Variants in PIEZO2 observed in about 807,000 individuals in gnomAD.
PIEZO2 encodes piezo type mechanosensitive ion channel component 2.
Under a neutral mutation model 337.3 loss-of-function variants are expected in PIEZO2, and 172 were observed. The ratio of observed to expected loss-of-function variants is 0.51; its 90% confidence interval spans 0.45 to 0.58. The LOEUF (loss-of-function observed/expected upper bound fraction) is 0.58. Among genes scored for constraint, PIEZO2 ranks in the 20% least tolerant of loss-of-function variants. The pLI is 0.00. For synonymous variants in PIEZO2, 1,251 were observed against 1,228.5 expected (o/e 1.02, Z -0.38); for missense variants, 3,028 against 3,391.3 (o/e 0.89, Z 2.66).
chr18:10,680,072 T>C, intron 52 of PIEZO2, 127 bp downstream of exon 52: 1 of 762,252 alleles, frequency 1.3e-6, no homozygotes, highest in Non-Finnish European at 2.0e-6. Flanking sequence ...CCCAAGGCTA[T>C]AATGATAAAG....
intron 3 of PIEZO2, among the ~76,000 whole-genome samples, chr18:10,971,420 C>T (rs922694453): frequency 6.6e-6 from 1 of 151,954 alleles, no homozygotes; most frequent in African/African-American, 2.4e-5. Flanking sequence ...AGATAAAAAC[C>T]ATCTTAGACA....
intron 3 of PIEZO2, among the ~76,000 whole-genome samples, chr18:10,927,269 G>T (rs1258784657): frequency 6.6e-6 from 1 of 152,096 alleles, no homozygotes; most frequent in Non-Finnish European, 1.5e-5. Flanking sequence ...GACCCCTTTG[G>T]AAGCTCAAGT....
At chr18:11,064,020 T>C (rs540826520) in intron 2 of PIEZO2, among the ~76,000 whole-genome samples, 1 of 151,168 alleles carries the variant, frequency 6.6e-6, no homozygotes, top group Non-Finnish European at 1.5e-5. Context: ...ACTAATGATA[T>C]CTGATGAGCA....
chr18:10,965,287 CAT>C (rs1482695074), intron 3 of PIEZO2, among the ~76,000 whole-genome samples: 2 of 152,332 alleles, frequency 1.3e-5, no homozygotes, highest in East Asian at 3.9e-4. Flanking sequence ...CTTGTCAACA[CAT>C]GTTATTGCCA....
At position 10,875,156 on chromosome 18, in the gene PIEZO2, T is replaced by A. The variant is rs567635545; in HGVS notation, c.330-3741A>T. On this transcript the variant is annotated intron_variant, in intron 4 of 55. Transcript: ENST00000674853. ...CCTGTGAAAGCTTAATTTTTACAAA[T>A]CGCCTCTAAACTCTTACCCCATTTA... is the stretch of plus-strand genomic sequence containing the variant. 5.9e-5 allele frequency among the ~76,000 whole-genome samples: 9 copies of A among 152,264 alleles called. No homozygotes were observed. The South Asian group carries it at 1.9e-3, about 32-fold the overall frequency.
rs1042142427 is a variant in PIEZO2, at chr18:11,009,517, A to C, written c.161-29857T>G. Among the ~76,000 whole-genome samples, 3 of 152,226 alleles carry C rather than the reference A, an allele frequency of 2.0e-5. No homozygotes were observed. The highest frequency in any genetic ancestry group is 2.9e-5 in the Non-Finnish European group (2 of 68,038). On this transcript the variant is annotated intron_variant, in intron 2 of 55. Coordinates refer to ENST00000674853, the MANE Select transcript of PIEZO2 (RefSeq NM_001378183.1). The surrounding 1 kb of genome is among the most constrained non-coding windows in gnomAD (Gnocchi z 4.6). ...GTTGAGGCGCGTGTGAGAGCAGCGTATGAGAGTAGCAGCACCTTTCTTCTT... is the reference window on the plus strand; with the variant it reads ...GTTGAGGCGCGTGTGAGAGCAGCGTCTGAGAGTAGCAGCACCTTTCTTCTT...
intron 5 of PIEZO2, among the ~76,000 whole-genome samples, chr18:10,864,895 C>T (rs928821202): frequency 2.0e-5 from 3 of 152,132 alleles, no homozygotes; most frequent in African/African-American, 7.2e-5. Flanking sequence ...AGCACAGCCC[C>T]AGGAGGACAA....
At position 11,070,972 on chromosome 18, in the gene PIEZO2, A is replaced by G. The variant is rs1219141681; in HGVS notation, c.65-4750T>C. 6.6e-6 allele frequency among the ~76,000 whole-genome samples: 1 copy of G among 152,170 alleles called. No homozygotes were observed. Among genetic ancestry groups the G allele is most frequent in the African/African-American group, 2.4e-5 (1 of 41,442 alleles). ...ACAGGAGCATAGCACACTCCAGCCA[A>G]GGGTCTGCATTAGAACCCGTGGTGC... On this transcript the variant is annotated intron_variant, in intron 1 of 55. Coordinates refer to ENST00000674853, the MANE Select transcript of PIEZO2 (RefSeq NM_001378183.1). This position sits in a 1 kb window ranked among gnomAD's most constrained non-coding sequence, Gnocchi z 4.3.
Position 10,727,125 on chromosome 18 carries a change from G to A in PIEZO2, c.5029+4282C>T, listed in dbSNP as rs2036574792. The A allele has an allele frequency of 2.2e-6, 1 of 450,312 alleles. No homozygotes were observed. Among genetic ancestry groups the A allele is most frequent in the East Asian group, 3.7e-5 (1 of 27,182 alleles). The allele number at this position is 450,312 out of a possible 1,614,324, so 27.9% of individuals were successfully genotyped here. A position where few individuals can be genotyped will look rare whatever the true frequency, so the allele number is the denominator to read the frequency against. On this transcript the variant is annotated intron_variant, in intron 36 of 55. Coordinates refer to ENST00000674853, the MANE Select transcript of PIEZO2 (RefSeq NM_001378183.1). The surrounding 1 kb of genome is among the most constrained non-coding windows in gnomAD (Gnocchi z 6.3). ...TTGTGTCCCTTGCTAGCCTCCCTGG[G>A]GCCTGGGGATCTGCAGCAGCATGTC...
chr18:11,018,764 T>C (rs1008297708), intron 2 of PIEZO2, among the ~76,000 whole-genome samples: 1 of 152,128 alleles, frequency 6.6e-6, no homozygotes, highest in Non-Finnish European at 1.5e-5. Context: ...CATGAAGAGA[T>C]CTCATTTTAT....
At chr18:10,977,169 A>G (rs2034477080) in intron 3 of PIEZO2, among the ~76,000 whole-genome samples, 1 of 152,018 alleles carries the variant, frequency 6.6e-6, no homozygotes, top group Non-Finnish European at 1.5e-5. Context: ...GAATTATGGA[A>G]AATCATCAAT....
intron 9 of PIEZO2, 60 bp from the exon 10 acceptor site, chr18:10,801,488 A>T (rs1403792770): frequency 2.8e-6 from 4 of 1,412,650 alleles, no homozygotes; most frequent in Non-Finnish European, 3.9e-6. Context: ...TTTACTGTTT[A>T]TGTATCTATA....
intron 47 of PIEZO2, among the ~76,000 whole-genome samples, chr18:10,692,726 C>T (rs963163724): frequency 1.3e-5 from 2 of 152,148 alleles, no homozygotes; most frequent in Non-Finnish European, 2.9e-5. Context: ...TTGTTCTGTT[C>T]GTCTGAATCT....
intron 42 of PIEZO2, among the ~76,000 whole-genome samples, chr18:10,702,394 A>T (rs1296815164): frequency 6.6e-6 from 1 of 152,178 alleles, no homozygotes; most frequent in Non-Finnish European, 1.5e-5. Context: ...TTCACTGTAG[A>T]TCCAGCAAGG....
Position 10,828,604 on chromosome 18 carries a change from G to A in PIEZO2, c.918-21330C>T, listed in dbSNP as rs1211286256. On this transcript the variant is annotated intron_variant, in intron 7 of 55. Transcript: ENST00000674853. This position sits in a 1 kb window ranked among gnomAD's most constrained non-coding sequence, Gnocchi z 4.1. ...TGTGAGATATTGGTGCCCAGAGAGG[G>A]TCCGGAACTCAAATATTGGTTCTTC... 2.6e-5 allele frequency among the ~76,000 whole-genome samples: 4 copies of A among 152,094 alleles called. No individual in the cohort carries two copies. The highest frequency in any genetic ancestry group is 5.9e-5 in the Non-Finnish European group (4 of 68,022).
intron 4 of PIEZO2, among the ~76,000 whole-genome samples, chr18:10,902,959 G>A (rs16975532): frequency 0.026 from 3,948 of 152,278 alleles, 192 homozygotes; most frequent in African/African-American, 0.091. Context: ...ATTGAATGGG[G>A]AGCTGGTGCA....
At chr18:10,972,866 C>A (rs1446950527) in intron 3 of PIEZO2, among the ~76,000 whole-genome samples, 1 of 152,154 alleles carries the variant, frequency 6.6e-6, no homozygotes, top group Non-Finnish European at 1.5e-5. Flanking sequence ...TGACCACTTA[C>A]AATGGGTCAA....
At chr18:10,975,286 A>G (rs1197946156) in intron 3 of PIEZO2, among the ~76,000 whole-genome samples, 1 of 152,240 alleles carries the variant, frequency 6.6e-6, no homozygotes, top group East Asian at 1.9e-4. Flanking sequence ...ACGGAGTCAA[A>G]CAAACTACGT....
intron 39 of PIEZO2, 120 bp from the exon 40 acceptor site, chr18:10,708,559 C>T (rs2035683428): frequency 6.6e-6 from 1 of 152,474 alleles, no homozygotes; most frequent in Non-Finnish European, 1.5e-5. Context: ...ACCAACACCA[C>T]CGACAAGGAA....
Sources: allele counts gnomAD v4.1 joint callset (sites outside exome capture counted in the v4.1 genomes callset), GRCh38; gene constraint gnomAD v4.1.1; non-coding constraint Gnocchi (gnomAD v3.1); transcripts MANE v1.5; gene names NCBI Gene and HGNC (gene_info 2026-07-23, HGNC 2026-07-21).